PDE7B: variants seen among roughly 807,000 people sequenced by gnomAD.
PDE7B encodes the protein phosphodiesterase 7B, also known as 3',5'-cyclic-AMP phosphodiesterase 7B.
In PDE7B, 29 loss-of-function variants were observed where a neutral mutation model predicts 56.2. That is an observed-to-expected ratio of 0.52 (90% CI 0.38 to 0.70). The LOEUF (loss-of-function observed/expected upper bound fraction) is 0.70, where lower values mean the gene tolerates loss of function less well. Among genes scored for constraint, PDE7B ranks in the 30% least tolerant of loss-of-function variants. The pLI is 0.00. For missense variants in PDE7B, 490 were observed against 565.0 expected (o/e 0.87, Z 1.35); for synonymous variants, 197 against 196.9 (o/e 1.00, Z 0.00).
In PDE7B at chr6:136,191,856, A is replaced by G. The variant is rs1318023439; in HGVS notation, c.*16A>G. The G allele has an allele frequency of 1.3e-6, 2 of 1,538,648 alleles. No individual in the cohort carries two copies. The highest frequency in any genetic ancestry group is 2.0e-5 in the Admixed American group (1 of 50,954). Reference sequence around the variant, plus strand: ...CAGCCCCTAGGGGCCGGCCCAACTTAGACGCGGCTCTCCTCCGGCAGGGCC... The same window carrying G: ...CAGCCCCTAGGGGCCGGCCCAACTTGGACGCGGCTCTCCTCCGGCAGGGCC... On this transcript the variant is annotated 3_prime_UTR_variant, in exon 13 of 13. Coordinates refer to ENST00000308191, the MANE Select transcript of PDE7B (RefSeq NM_018945.4).
At chr6:136,186,648 C>T (rs536809903) in intron 11 of PDE7B, among the ~76,000 whole-genome samples, 129 of 152,224 alleles carry the variant, frequency 8.5e-4, no homozygotes, top group African/African-American at 2.7e-3. Context: ...GGTCAGGCAG[C>T]GTGAAAGTAG....
intron 9 of PDE7B, among the ~76,000 whole-genome samples, chr6:136,178,318 A>G (rs1779011635): frequency 6.6e-6 from 1 of 152,122 alleles, no homozygotes; most frequent in Non-Finnish European, 1.5e-5. Context: ...AATATATTTC[A>G]TTTTTAAAGG....
rs1241888957 is a variant in PDE7B at position 135,980,617 on chromosome 6, G to C, written c.82+33093G>C. 3.3e-5 allele frequency among the ~76,000 whole-genome samples: 5 copies of C among 152,056 alleles called. No individual in the cohort carries two copies. The East Asian group carries it at 7.7e-4, about 23-fold the overall frequency. On this transcript the variant is annotated intron_variant, in intron 2 of 12. Transcript: ENST00000308191. Reference sequence around the variant, plus strand: ...CAAGAAACAACCCCATCAAAGAGTGGGCGAAGGACATGAACAGACACTTCT... The same window carrying C: ...CAAGAAACAACCCCATCAAAGAGTGCGCGAAGGACATGAACAGACACTTCT...
At chr6:136,009,152 T>G (rs1472728549) in intron 2 of PDE7B, among the ~76,000 whole-genome samples, 1 of 151,964 alleles carries the variant, frequency 6.6e-6, no homozygotes, top group African/African-American at 2.4e-5. Context: ...TGTAGATATG[T>G]GGCATTATTT....
At chr6:135,917,846 C>G (rs1161073054) in intron 1 of PDE7B, among the ~76,000 whole-genome samples, 2 of 152,084 alleles carry the variant, frequency 1.3e-5, no homozygotes, top group African/African-American at 4.8e-5. Context: ...AAGTGGCCTC[C>G]CTCTTAAAGT....
intron 2 of PDE7B, among the ~76,000 whole-genome samples, chr6:136,002,232 G>C (rs955672128): frequency 6.6e-6 from 1 of 152,192 alleles, no homozygotes; most frequent in African/African-American, 2.4e-5. Context: ...ACTGGTACCA[G>C]CCACTGCAAA....
intron 2 of PDE7B, among the ~76,000 whole-genome samples, chr6:136,000,240 G>A (rs960089473): frequency 1.3e-5 from 2 of 152,098 alleles, no homozygotes; most frequent in South Asian, 2.1e-4. Context: ...CTGTGATGAA[G>A]CTCTTAAGTT....
Position 135,902,504 on chromosome 6 carries a change from A to G in PDE7B, c.22-44960A>G, listed in dbSNP as rs542021520. ...AAGAGTCCATAGTTATCTGAAACACAGAATATTTGAGATTTTGAGCACTCT... is the reference window on the plus strand; with the variant it reads ...AAGAGTCCATAGTTATCTGAAACACGGAATATTTGAGATTTTGAGCACTCT... On this transcript the variant is annotated intron_variant, in intron 1 of 12. Transcript: ENST00000308191. Among the ~76,000 whole-genome samples, 122 of 147,430 alleles carry G rather than the reference A, an allele frequency of 8.3e-4. 3 individuals are homozygous for G. The South Asian group carries it at 0.024, about 29-fold the overall frequency.
rs536835350 is a variant in PDE7B, at chr6:136,068,836, T to C, written c.83-39895T>C. Reference sequence around the variant, plus strand: ...CTTTAAAAGGTGCCAGACTCTTTAGTTGATTCTCTCCTGGATCAGAAAAAA... The same window carrying C: ...CTTTAAAAGGTGCCAGACTCTTTAGCTGATTCTCTCCTGGATCAGAAAAAA... On this transcript the variant is annotated intron_variant, in intron 2 of 12. Coordinates refer to ENST00000308191, the MANE Select transcript of PDE7B (RefSeq NM_018945.4). Among the ~76,000 whole-genome samples the C allele has an allele frequency of 8.5e-5, 13 of 152,330 alleles. No homozygotes were observed. The South Asian group carries it at 1.9e-3, about 22-fold the overall frequency.
At position 135,928,590 on chromosome 6, in the gene PDE7B, T is replaced by C. The variant is rs1484715881; in HGVS notation, c.22-18874T>C. Reference sequence around the variant, plus strand: ...ATACATATATACACACACATACACATACATACATATACACCATGGAATACT... The same window carrying C: ...ATACATATATACACACACATACACACACATACATATACACCATGGAATACT... On this transcript the variant is annotated intron_variant, in intron 1 of 12. Coordinates refer to ENST00000308191, the MANE Select transcript of PDE7B (RefSeq NM_018945.4). Among the ~76,000 whole-genome samples, 4 of 145,348 alleles carry C rather than the reference T, an allele frequency of 2.8e-5. No individual in the cohort carries two copies. In the South Asian group the frequency reaches 8.7e-4, roughly 31 times the overall value.
chr6:136,182,376 GA>G (rs1301109486), intron 11 of PDE7B, among the ~76,000 whole-genome samples: 5 of 152,154 alleles, frequency 3.3e-5, no homozygotes, highest in African/African-American at 1.2e-4. Context: ...AATCTCCAAG[GA>G]AGGTAAGACA....
At chr6:136,123,447 T>G (rs952723339) in intron 3 of PDE7B, among the ~76,000 whole-genome samples, 2 of 152,216 alleles carry the variant, frequency 1.3e-5, no homozygotes, top group Admixed American at 1.3e-4. Context: ...ACTGCCAAAC[T>G]ATCTCAACGT....
rs1342584716 is a variant in PDE7B at position 136,015,688 on chromosome 6, A to AT, written c.82+68165dup. Among the ~76,000 whole-genome samples, 5 of 152,202 alleles carry AT rather than the reference A, an allele frequency of 3.3e-5. No homozygotes were observed. The East Asian group carries it at 9.6e-4, about 29-fold the overall frequency. On this transcript the variant is annotated intron_variant, in intron 2 of 12. Transcript: ENST00000308191. ...TAACCCCTCTTCTCCTTGCAACCAG[A>AT]TAAATATACATTCTTGATTCCCGGA... is the stretch of plus-strand genomic sequence containing the variant.
At chr6:136,013,229 A>G (rs1775922745) in intron 2 of PDE7B, among the ~76,000 whole-genome samples, 1 of 152,200 alleles carries the variant, frequency 6.6e-6, no homozygotes, top group African/African-American at 2.4e-5. Flanking sequence ...AACAAATTTT[A>G]CTAAATAAGT....
intron 1 of PDE7B, among the ~76,000 whole-genome samples, chr6:135,897,844 G>A (rs1046737082): frequency 6.6e-6 from 1 of 152,144 alleles, no homozygotes; most frequent in African/African-American, 2.4e-5. Flanking sequence ...TAAAGCCAGT[G>A]GCCACCAGCC....
intron 12 of PDE7B, among the ~76,000 whole-genome samples, chr6:136,190,584 A>C (rs1287726737): frequency 6.6e-6 from 1 of 152,194 alleles, no homozygotes; most frequent in Non-Finnish European, 1.5e-5. Flanking sequence ...ACAAAACCTA[A>C]ATAAGTCCAA....
Position 135,918,274 on chromosome 6 carries a change from A to T in PDE7B, c.22-29190A>T, listed in dbSNP as rs191508502. 1.7e-3 allele frequency among the ~76,000 whole-genome samples: 254 copies of T among 152,276 alleles called. 1 individual carries two copies. The highest frequency in any genetic ancestry group is 3.3e-3 in the Non-Finnish European group (224 of 68,022). On this transcript the variant is annotated intron_variant, in intron 1 of 12. Coordinates refer to ENST00000308191, the MANE Select transcript of PDE7B (RefSeq NM_018945.4). ...TCTTATCATGGTATTCCTTTCTCCT[A>T]GGAACCATAATTCTGCTCTGAATGT...
intron 9 of PDE7B, among the ~76,000 whole-genome samples, chr6:136,174,798 T>C (rs1778950091): frequency 6.6e-6 from 1 of 152,146 alleles, no homozygotes; most frequent in Admixed American, 6.6e-5. Flanking sequence ...CAGGAGGAAT[T>C]TCAGTTCTGA....
intron 3 of PDE7B, among the ~76,000 whole-genome samples, chr6:136,132,991 A>T (rs1215841640): frequency 1.3e-5 from 2 of 152,122 alleles, no homozygotes; most frequent in Non-Finnish European, 2.9e-5. Flanking sequence ...TCTCTGAGGA[A>T]CTAAGGATAT....
Sources: gnomAD v4.1 joint callset for allele counts (sites outside exome capture counted in the v4.1 genomes callset) on GRCh38, gnomAD v4.1.1 for gene constraint, MANE v1.5 for transcripts, NCBI Gene and HGNC (gene_info 2026-07-23, HGNC 2026-07-21) for gene names.